Variants in CSTPP1 observed in about 807,000 individuals in gnomAD.
CSTPP1 encodes the protein centriolar satellite-associated tubulin polyglutamylase complex regulator 1, also known as UPF0705 protein C11orf49.
At chr11:47,128,522 C>T in the CSTPP1 span, among the ~76,000 whole-genome samples, 1 of 152,060 alleles carries the variant, frequency 6.6e-6, no homozygotes, top group African/African-American at 2.4e-5. Context: ...GCTGGGACTA[C>T]AGGCGTGTGC....
At chr11:47,126,630 C>G in the CSTPP1 span, among the ~76,000 whole-genome samples, 1 of 151,630 alleles carries the variant, frequency 6.6e-6, no homozygotes. Context: ...GAGACCCTAT[C>G]TCTAAAAAAA....
chr11:47,101,052 G>A, the CSTPP1 span, among the ~76,000 whole-genome samples: 2 of 149,800 alleles, frequency 1.3e-5, no homozygotes, highest in African/African-American at 4.9e-5. Flanking sequence ...AGGTAGGAGT[G>A]CAGTGGTATA....
the CSTPP1 span, among the ~76,000 whole-genome samples, chr11:46,959,911 G>A: frequency 6.9e-6 from 1 of 144,310 alleles, no homozygotes; most frequent in Non-Finnish European, 1.5e-5. Context: ...CTGTAACCCA[G>A]GCTGGAATGC....
At chr11:47,056,996 C>T in the CSTPP1 span, among the ~76,000 whole-genome samples, 1 of 152,160 alleles carries the variant, frequency 6.6e-6, no homozygotes, top group Non-Finnish European at 1.5e-5. Context: ...ACCTGTAGAA[C>T]TCTAAGGACC....
At chr11:46,971,053 A>G in the CSTPP1 span, among the ~76,000 whole-genome samples, 1 of 152,216 alleles carries the variant, frequency 6.6e-6, no homozygotes, top group East Asian at 1.9e-4. Flanking sequence ...AAAACAAGTT[A>G]ATGCAACATT....
chr11:47,121,056 G>A, the CSTPP1 span, among the ~76,000 whole-genome samples: 1 of 151,978 alleles, frequency 6.6e-6, no homozygotes, highest in Non-Finnish European at 1.5e-5. Flanking sequence ...ACTCCTCTAG[G>A]CATCTAAGCA....
chr11:47,152,884 C>T, the CSTPP1 span, among the ~76,000 whole-genome samples: 4 of 152,098 alleles, frequency 2.6e-5, no homozygotes, highest in African/African-American at 9.7e-5. Context: ...TGTCGTAATT[C>T]ACTTTAGACT....
At chr11:47,053,169 A>G in the CSTPP1 span, among the ~76,000 whole-genome samples, 1 of 152,206 alleles carries the variant, frequency 6.6e-6, no homozygotes, top group African/African-American at 2.4e-5. Context: ...AGAGAAGGGC[A>G]TCCTAGGTAG....
the CSTPP1 span, among the ~76,000 whole-genome samples, chr11:47,162,909 T>C: frequency 2.0e-5 from 3 of 152,136 alleles, no homozygotes; most frequent in African/African-American, 7.2e-5. Flanking sequence ...CAGGATGCAG[T>C]GGCTCATTGC....
At chr11:46,947,558 T>A in the CSTPP1 span, among the ~76,000 whole-genome samples, 5 of 152,228 alleles carry the variant, frequency 3.3e-5, no homozygotes, top group African/African-American at 1.2e-4. Context: ...TGACTAAGTT[T>A]TGTTTGATTA....
At chr11:47,160,938 G>T in the CSTPP1 span, 3 of 679,956 alleles carry the variant, frequency 4.4e-6, no homozygotes, top group East Asian at 2.8e-5. Flanking sequence ...TTCAATAAAT[G>T]TATCAAGCAA....
the CSTPP1 span, among the ~76,000 whole-genome samples, chr11:47,033,456 G>A: frequency 2.6e-5 from 4 of 152,090 alleles, no homozygotes; most frequent in Non-Finnish European, 5.9e-5. Context: ...TCTGGCACTG[G>A]TTCAGAAGCA....
At chr11:47,075,883 G>A in the CSTPP1 span, among the ~76,000 whole-genome samples, 5 of 130,694 alleles carry the variant, frequency 3.8e-5, no homozygotes, top group Admixed American at 9.9e-5. Context: ...CTGATATTGC[G>A]CCACTGTACT....
At chr11:47,091,168 G>C in the CSTPP1 span, among the ~76,000 whole-genome samples, 1 of 151,402 alleles carries the variant, frequency 6.6e-6, no homozygotes, top group Non-Finnish European at 1.5e-5. Flanking sequence ...AAGGCAGGCG[G>C]ATCAGGAGGT....
chr11:47,062,923 A>T, the CSTPP1 span, among the ~76,000 whole-genome samples: 1 of 152,198 alleles, frequency 6.6e-6, no homozygotes, highest in Non-Finnish European at 1.5e-5. Flanking sequence ...GCAGAGATGC[A>T]GCTGCTCCCT....
chr11:47,025,773 T>C, the CSTPP1 span, among the ~76,000 whole-genome samples: 1 of 152,220 alleles, frequency 6.6e-6, no homozygotes, highest in African/African-American at 2.4e-5. Flanking sequence ...CTAAAGGCTA[T>C]AGCTGCAGGC....
At chr11:46,960,617 G>A in the CSTPP1 span, among the ~76,000 whole-genome samples, 6 of 152,132 alleles carry the variant, frequency 3.9e-5, no homozygotes, top group Admixed American at 1.3e-4. Context: ...TTGGGAGGCC[G>A]AGGTGGGTAA....
the CSTPP1 span, among the ~76,000 whole-genome samples, chr11:46,986,844 G>C: frequency 6.6e-6 from 1 of 152,194 alleles, no homozygotes; most frequent in East Asian, 1.9e-4. Flanking sequence ...TTCTGATGCA[G>C]AAATGGAAAA....
chr11:46,944,797 G>A, the CSTPP1 span, among the ~76,000 whole-genome samples: 2 of 152,056 alleles, frequency 1.3e-5, no homozygotes, highest in African/African-American at 2.4e-5. Context: ...GACTCCTCCG[G>A]CTTCCTTCCC....
Sources: allele counts gnomAD v4.1 joint callset (sites outside exome capture counted in the v4.1 genomes callset), GRCh38; gene constraint gnomAD v4.1.1; transcripts MANE v1.5; gene names NCBI Gene and HGNC (gene_info 2026-07-23, HGNC 2026-07-21).